The following DCDC1 variants were observed in gnomAD, a reference collection of about 807,000 sequenced individuals.
The protein encoded by DCDC1 is doublecortin domain containing 1, also known as doublecortin domain-containing protein 1.
DCDC1 carries 200 observed loss-of-function variants against 178.3 expected under a neutral mutation model. The ratio of observed to expected loss-of-function variants is 1.12; its 90% confidence interval spans 1.00 to 1.26. The LOEUF is 1.26. Ranked by LOEUF, DCDC1 falls within the 50% of genes most tolerant of loss-of-function variation. The probability of loss-of-function intolerance (pLI) is 0.00; values close to 1 mark genes in which losing one functional copy is unlikely to be tolerated. For missense variants in DCDC1, 1,983 were observed against 1,749.2 expected (o/e 1.13, Z -2.38); for synonymous variants, 690 against 604.8 (o/e 1.14, Z -2.07).
chr11:31,035,050 T>C (rs1298414643), intron 20 of DCDC1, among the ~76,000 whole-genome samples: 3 of 152,172 alleles, frequency 2.0e-5, no homozygotes, highest in African/African-American at 7.2e-5. Context: ...AGATTCTAGT[T>C]TTTGTGATTG....
At chr11:31,346,325 A>T (rs1402750378) in intron 1 of DCDC1, among the ~76,000 whole-genome samples, 2 of 151,900 alleles carry the variant, frequency 1.3e-5, no homozygotes, top group Admixed American at 6.6e-5. Context: ...TTAGCCCGGC[A>T]TGGTGGCACA....
intron 23 of DCDC1, 94 bp from the exon 24 acceptor site, chr11:30,922,732 G>T: frequency 1.6e-6 from 2 of 1,247,212 alleles, no homozygotes; most frequent in Non-Finnish European, 2.1e-6. Context: ...AAATCAAAAT[G>T]TCCTATTAAT....
chr11:31,068,321 T>C (rs533973085), intron 18 of DCDC1, among the ~76,000 whole-genome samples: 118 of 152,292 alleles, frequency 7.7e-4, no homozygotes, highest in African/African-American at 2.7e-3. Flanking sequence ...ATCAGTGTAA[T>C]TGGAATATCT....
At chr11:31,120,689 G>C (rs546981104) in intron 11 of DCDC1, among the ~76,000 whole-genome samples, 29 of 152,208 alleles carry the variant, frequency 1.9e-4, no homozygotes, top group Non-Finnish European at 3.5e-4. Context: ...ACTAATTCCA[G>C]TGAAAGGATA....
intron 20 of DCDC1, among the ~76,000 whole-genome samples, chr11:31,006,057 C>T (rs1276003369): frequency 1.3e-5 from 2 of 151,782 alleles, no homozygotes; most frequent in Non-Finnish European, 2.9e-5. Context: ...CATTTCAACC[C>T]TACATCTACA....
At chr11:31,255,320 T>A (rs1359958320) in intron 8 of DCDC1, among the ~76,000 whole-genome samples, 1 of 152,086 alleles carries the variant, frequency 6.6e-6, no homozygotes, top group Non-Finnish European at 1.5e-5. Flanking sequence ...TATCTAGGAG[T>A]GGAATTGCAG....
At chr11:31,137,396 C>A (rs1963273822) in intron 10 of DCDC1, among the ~76,000 whole-genome samples, 2 of 147,134 alleles carry the variant, frequency 1.4e-5, no homozygotes, top group Admixed American at 1.4e-4. Flanking sequence ...GTTGCCCAGG[C>A]TGGAGTGCAG....
At chr11:31,165,752 T>C (rs1173880603) in intron 9 of DCDC1, among the ~76,000 whole-genome samples, 1 of 152,242 alleles carries the variant, frequency 6.6e-6, no homozygotes, top group Non-Finnish European at 1.5e-5. Context: ...TTTTCATATG[T>C]ACTGTGCGCA....
At position 31,333,936 on chromosome 11, in the gene DCDC1, T is replaced by C. The variant is rs191157172; in HGVS notation, c.-7+1511A>G. 5.8e-3 allele frequency among the ~76,000 whole-genome samples: 879 copies of C among 152,314 alleles called. 13 individuals are homozygous for C. Among genetic ancestry groups the C allele is most frequent in the African/African-American group, 0.02 (846 of 41,566 alleles). On this transcript the variant is annotated intron_variant, in intron 2 of 38. Transcript: ENST00000684477. Reference sequence around the variant, plus strand: ...TTGAATGTTGGCCTACTTTGCTAGGTTGGGGAAGTTCTCCTGGATAATATC... The same window carrying C: ...TTGAATGTTGGCCTACTTTGCTAGGCTGGGGAAGTTCTCCTGGATAATATC...
At chr11:30,968,935 G>T (rs1006356028) in intron 20 of DCDC1, among the ~76,000 whole-genome samples, 8 of 151,608 alleles carry the variant, frequency 5.3e-5, no homozygotes, top group Admixed American at 2.6e-4. Flanking sequence ...CTAAGTAAGA[G>T]ATCATTTGCA....
intron 9 of DCDC1, among the ~76,000 whole-genome samples, chr11:31,177,940 C>A (rs1968285759): frequency 6.6e-6 from 1 of 152,030 alleles, no homozygotes; most frequent in African/African-American, 2.4e-5. Flanking sequence ...AACTTCAATA[C>A]ACTGCTATGT....
At chr11:31,342,814 A>T (rs1407951715) in intron 1 of DCDC1, among the ~76,000 whole-genome samples, 4 of 152,322 alleles carry the variant, frequency 2.6e-5, no homozygotes, top group Admixed American at 1.3e-4. Flanking sequence ...TCCAATTATT[A>T]AAAAAACGAA....
intron 20 of DCDC1, among the ~76,000 whole-genome samples, chr11:31,023,669 A>C (rs1009063339): frequency 1.3e-5 from 2 of 152,112 alleles, no homozygotes; most frequent in Non-Finnish European, 2.9e-5. Flanking sequence ...GTACTGACAA[A>C]TGCTGTTCAT....
At chr11:31,117,817 T>A (rs1356351323) in intron 11 of DCDC1, among the ~76,000 whole-genome samples, 1 of 152,098 alleles carries the variant, frequency 6.6e-6, no homozygotes, top group Non-Finnish European at 1.5e-5. Context: ...TTGCGTGTCA[T>A]GTCCTAAGCC....
intron 20 of DCDC1, among the ~76,000 whole-genome samples, chr11:30,971,390 C>A (rs1269320696): frequency 6.6e-6 from 1 of 151,628 alleles, no homozygotes; most frequent in African/African-American, 2.4e-5. Context: ...CAGTGAGATA[C>A]AAGAAAATAC....
chr11:31,230,577 A>G (rs771248407), intron 9 of DCDC1, among the ~76,000 whole-genome samples: 7 of 152,102 alleles, frequency 4.6e-5, no homozygotes, highest in Non-Finnish European at 7.4e-5. Flanking sequence ...GCAACAGACA[A>G]GACCAATCAT....
rs540338378 is a variant in DCDC1 at position 31,017,277 on chromosome 11, C to T, written c.2591+47192G>A. Among the ~76,000 whole-genome samples the T allele has an allele frequency of 5.3e-5, 8 of 152,258 alleles. No homozygotes were observed. In the East Asian group the frequency reaches 1.2e-3, roughly 22 times the overall value. On this transcript the variant is annotated intron_variant, in intron 20 of 38. Transcript: ENST00000684477. ...CTGAAGACAGCAACACTAACTTCTC[C>T]TCTTCCTCTTCCTCCTCAGCCCACT...
At chr11:30,885,100 T>A (rs954489017) in intron 36 of DCDC1, among the ~76,000 whole-genome samples, 2 of 152,002 alleles carry the variant, frequency 1.3e-5, no homozygotes, top group Non-Finnish European at 2.9e-5. Flanking sequence ...GAAGCTAGTA[T>A]ATGTAAGATT....
intron 38 of DCDC1, among the ~76,000 whole-genome samples, chr11:30,878,144 C>A (rs925961654): frequency 6.6e-6 from 1 of 151,886 alleles, no homozygotes; most frequent in Non-Finnish European, 1.5e-5. Context: ...ATGTAAAATG[C>A]GGAGGGTAAT....
Sources: gnomAD v4.1 joint callset for allele counts (sites outside exome capture counted in the v4.1 genomes callset) on GRCh38, gnomAD v4.1.1 for gene constraint, MANE v1.5 for transcripts, NCBI Gene and HGNC (gene_info 2026-07-23, HGNC 2026-07-21) for gene names.